RTL1: variants seen among roughly 807,000 people sequenced by gnomAD.
RTL1 encodes retrotransposon Gag like 1, also known as retrotransposon-like protein 1.
For missense variants in RTL1, 1,681 were observed against 1,767.5 expected (o/e 0.95, Z 0.88); for synonymous variants, 727 against 748.4 (o/e 0.97, Z 0.47).
At chr14:100,887,337 C>T (rs992413094) in intron 3 of RTL1, among the ~76,000 whole-genome samples, 3 of 152,200 alleles carry the variant, frequency 2.0e-5, no homozygotes, top group Non-Finnish European at 4.4e-5. Context: ...AAGCTTTATT[C>T]TATCTCTTAA....
chr14:100,889,426 C>T (rs1047237657), intron 3 of RTL1, among the ~76,000 whole-genome samples: 11 of 152,212 alleles, frequency 7.2e-5, no homozygotes, highest in Admixed American at 1.3e-4. Context: ...AAGTTCTTTT[C>T]GCATGAAACT....
rs770846607 is a variant in RTL1, at chr14:100,881,058, C to T, written c.3731G>A (p.Arg1244His). Reference sequence around the variant, plus strand: ...CAGGCCGTCATGCAGGCCACACTGACGGTAACGTTGCAGGTCGTCTTGCAG... The same window carrying T: ...CAGGCCGTCATGCAGGCCACACTGATGGTAACGTTGCAGGTCGTCTTGCAG... ...EALQDDLQRY[R>H]QCGLHDGLQD... Residue 1244 changes from arginine (R) to histidine (H), a missense_variant, in exon 4 of 4, where the codon CGT becomes CAT. Arg to His is a conservative substitution (Grantham distance 29). Transcript: ENST00000649591. This position sits in a 1 kb window ranked among gnomAD's most constrained non-coding sequence, Gnocchi z 6.6. The T allele has an allele frequency of 4.7e-5, 75 of 1,602,998 alleles. No homozygotes were observed. The highest frequency in any genetic ancestry group is 1.1e-4 in the East Asian group (5 of 44,354).
Position 100,882,026 on chromosome 14 carries a change from C to T in RTL1, c.2763G>A (p.Glu921=). The part of the protein sequence containing the change: ...SPIEVEYSQA[E]MKILPIRAAF... ...CAGCCCGTATTGGAAGAATCTTCAT[C>T]TCCGCTTGAGAGTACTCAACCTCGA... The change falls in exon 4 of 4, where the codon GAG becomes GAA. Residue 921 remains glutamate (E), a synonymous_variant. Coordinates refer to ENST00000649591, the MANE Select transcript of RTL1 (RefSeq NM_001134888.3). 3 of 1,613,458 alleles carry T rather than the reference C, an allele frequency of 1.9e-6. No individual in the cohort carries two copies. Among genetic ancestry groups the T allele is most frequent in the East Asian group, 2.2e-5 (1 of 44,876 alleles).
At position 100,884,710 on chromosome 14, in the gene RTL1, C is replaced by T. The variant is rs200541717; in HGVS notation, c.79G>A (p.Glu27Lys). 9.5e-5 allele frequency: 154 copies of T among 1,612,590 alleles called. 1 individual carries two copies. The highest frequency in any genetic ancestry group is 1.7e-4 in the Middle Eastern group (1 of 5,976). Reference sequence around the variant, plus strand: ...GCCTCGGTGGTGTTGGATGAGCCCTCGGAGGACTCCATTTGTTTTGATGAT... The same window carrying T: ...GCCTCGGTGGTGTTGGATGAGCCCTTGGAGGACTCCATTTGTTTTGATGAT... ...NPSSKQMESS[E>K]GSSNTTEATS... is the part of the protein sequence containing the mutation. The change falls in exon 4 of 4, where the codon GAG (glutamate) becomes AAG (lysine). Residue 27 changes from glutamate to lysine, a missense_variant. Glu to Lys is a moderately conservative substitution (Grantham distance 56). Transcript: ENST00000649591.
chr14:100,890,729 T>C (rs1337261027), intron 3 of RTL1, among the ~76,000 whole-genome samples: 1 of 151,992 alleles, frequency 6.6e-6, no homozygotes, highest in Non-Finnish European at 1.5e-5. Flanking sequence ...TAGGTGGTGC[T>C]CAGAGCTCCT....
Position 100,884,402 on chromosome 14 carries a change from C to G in RTL1, c.387G>C (p.Ser129=), listed in dbSNP as rs776645769. The G allele has an allele frequency of 6.2e-7, 1 of 1,603,606 alleles. No homozygotes were observed. The highest frequency in any genetic ancestry group is 8.5e-7 in the Non-Finnish European group (1 of 1,174,488). The change falls in exon 4 of 4, where the codon TCG becomes TCC. Residue 129 remains serine, a synonymous_variant. Coordinates refer to ENST00000649591, the MANE Select transcript of RTL1 (RefSeq NM_001134888.3). The stretch of plus-strand genomic sequence containing the variant: ...GAGCCTCTTGTTCTTCTCGGGCTCC[C>G]GATGGGTTGACTGATGCTTCTTTCA... ...DRMKEASVNP[S]GAREEQEAHT...
At chr14:100,899,645 G>A (rs1474384053) in intron 2 of RTL1, among the ~76,000 whole-genome samples, 1 of 149,538 alleles carries the variant, frequency 6.7e-6, no homozygotes, top group Non-Finnish European at 1.5e-5. Flanking sequence ...CCCAGCTACA[G>A]AACAGACTTG....
rs1302412847 is a variant in RTL1 at position 100,883,704 on chromosome 14, G to A, written c.1085C>T (p.Ala362Val). The change falls in exon 4 of 4, where the codon GCA (alanine) becomes GTA (valine). Residue 362 changes from alanine to valine, a missense_variant. By Grantham distance (64) the Ala-to-Val change is moderately conservative. Transcript: ENST00000649591. The surrounding 1 kb of genome is among the most constrained non-coding windows in gnomAD (Gnocchi z 5.9). ...VLILQIEEKL[A>V]ERRAMLRLPP... Reference sequence around the variant, plus strand: ...CAGCCTGAGCATAGCTCTTCTCTCTGCCAGCTTCTCTTCTATTTGCAGGAT... The same window carrying A: ...CAGCCTGAGCATAGCTCTTCTCTCTACCAGCTTCTCTTCTATTTGCAGGAT... The A allele has an allele frequency of 6.4e-7, 1 of 1,551,494 alleles. No homozygotes were observed. Among genetic ancestry groups the A allele is most frequent in the Non-Finnish European group, 8.7e-7 (1 of 1,147,006 alleles).
intron 2 of RTL1, among the ~76,000 whole-genome samples, chr14:100,901,287 A>C (rs2038937962): frequency 6.6e-6 from 1 of 152,250 alleles, no homozygotes. Context: ...CCCCATATGC[A>C]CACACGCACA....
Position 100,884,802 on chromosome 14 carries a change from A to G in RTL1, c.-14T>C. ...GGGTTCTATCATTTCGTCGGATGGA[A>G]AGGAGTGTATTCTGAAGATTGGTAA... On this transcript the variant is annotated 5_prime_UTR_variant, in exon 4 of 4. Coordinates refer to ENST00000649591, the MANE Select transcript of RTL1 (RefSeq NM_001134888.3). 1 of 1,547,328 alleles carries G rather than the reference A, an allele frequency of 6.5e-7. No individual in the cohort carries two copies. Among genetic ancestry groups the G allele is most frequent in the Non-Finnish European group, 8.7e-7 (1 of 1,146,832 alleles).
Position 100,880,605 on chromosome 14 carries a change from G to A in RTL1, c.*107C>T. The A allele has an allele frequency of 1.3e-6, 2 of 1,498,608 alleles. No homozygotes were observed. The highest frequency in any genetic ancestry group is 4.3e-4 in the Middle Eastern group (2 of 4,598). 92.8% of individuals were successfully genotyped at this position (1,498,608 alleles called of 1,614,324 possible). The stretch of plus-strand genomic sequence containing the variant: ...GTGGGTTCCTCTTGGGTCAGGAGTG[G>A]CAGGAAGGGAAGCGAAGCAGGCTGA... On this transcript the variant is annotated 3_prime_UTR_variant, in exon 4 of 4. Transcript: ENST00000649591.
chr14:100,880,949 T>C lies in RTL1; in HGVS notation c.3840A>G (p.Pro1280=). ...SHTAATHPPR[P]RHLMDPQVLE... ...GGACCTGGGGATCCATCAGGTGGCG[T>C]GGGCGGGGTGGGTGGGTGGCTGCTG... The change falls in exon 4 of 4, where the codon CCA becomes CCG. Residue 1280 remains proline (P), a synonymous_variant. Transcript: ENST00000649591. The C allele has an allele frequency of 1.6e-5, 1 of 63,928 alleles. No homozygotes were observed. The highest frequency in any genetic ancestry group is 3.2e-5 in the Non-Finnish European group (1 of 31,014). 4.0% of individuals were successfully genotyped at this position (63,928 alleles called of 1,614,324 possible).
In RTL1 at chr14:100,881,680, C is replaced by T; in HGVS notation, c.3109G>A (p.Glu1037Lys). ...STESGEEENE[E>K]QDELNEQILR... ...ATCTGTTCATTGAGCTCATCCTGTT[C>T]TTCATTCTCTTCTTCCCCGGATTCC... The change falls in exon 4 of 4, where the codon GAA becomes AAA. Residue 1037 changes from glutamate to lysine, a missense_variant. Transcript: ENST00000649591. This position sits in a 1 kb window ranked among gnomAD's most constrained non-coding sequence, Gnocchi z 6.6. The T allele has an allele frequency of 1.3e-6, 2 of 1,556,062 alleles. No homozygotes were observed. The highest frequency in any genetic ancestry group is 1.7e-6 in the Non-Finnish European group (2 of 1,149,216).
rs781035556 is a variant in RTL1, at chr14:100,884,642, G to A, written c.147C>T (p.Ser49=). 9.9e-6 allele frequency: 16 copies of A among 1,613,162 alleles called. No homozygotes were observed. The highest frequency in any genetic ancestry group is 2.2e-5 in the East Asian group (1 of 44,880). ...GCTCCTTCTTTTCCTGGGCTGGGCC[G>A]CTGGCTGGCCCTGCCTCTCCCCGCA... ...SGVRGEAGPA[S]GPAQEKKEPP... The change falls in exon 4 of 4, where the codon AGC becomes AGT. Residue 49 remains serine, a synonymous_variant. Transcript: ENST00000649591.
At position 100,886,184 on chromosome 14, in the gene RTL1, A is replaced by C. The variant is rs900431485; in HGVS notation, c.-86-1310T>G. Among the ~76,000 whole-genome samples, 7 of 150,188 alleles carry C rather than the reference A, an allele frequency of 4.7e-5. No individual in the cohort carries two copies. In the East Asian group the frequency reaches 1.4e-3, roughly 30 times the overall value. Reference sequence around the variant, plus strand: ...AATTTAACACCTTTTGTTACTTCTGAGTTTTCTTCTAAGCCACTGGACCCA... The same window carrying C: ...AATTTAACACCTTTTGTTACTTCTGCGTTTTCTTCTAAGCCACTGGACCCA... On this transcript the variant is annotated intron_variant, in intron 3 of 3. Coordinates refer to ENST00000649591, the MANE Select transcript of RTL1 (RefSeq NM_001134888.3).
intron 2 of RTL1, among the ~76,000 whole-genome samples, chr14:100,900,621 C>CA (rs756950050): frequency 3.3e-5 from 5 of 152,114 alleles, no homozygotes; most frequent in Non-Finnish European, 7.3e-5. Flanking sequence ...CCTCCGTGTC[C>CA]GGCAGGGGCT....
rs1443804363 is a variant in RTL1, at chr14:100,882,505, A to G, written c.2284T>C (p.Tyr762His). Reference sequence around the variant, plus strand: ...AACTGGCTCTTGTCCAGGGAGCAGTAGACGTTGTGATGGCGGAAGCGGACC... The same window carrying G: ...AACTGGCTCTTGTCCAGGGAGCAGTGGACGTTGTGATGGCGGAAGCGGACC... The part of the protein sequence containing the change: ...VLVRFRHHNV[Y>H]CSLDKSQFHR... The change falls in exon 4 of 4, where the codon TAC (tyrosine) becomes CAC (histidine). Residue 762 changes from tyrosine (Y) to histidine (H), a missense_variant. Coordinates refer to ENST00000649591, the MANE Select transcript of RTL1 (RefSeq NM_001134888.3). 1 of 1,551,974 alleles carries G rather than the reference A, an allele frequency of 6.4e-7. No homozygotes were observed. The highest frequency in any genetic ancestry group is 2.0e-5 in the Admixed American group (1 of 51,008).
chr14:100,901,385 C>A (rs1017099165), intron 2 of RTL1, among the ~76,000 whole-genome samples: 5 of 152,212 alleles, frequency 3.3e-5, no homozygotes, highest in Non-Finnish European at 5.9e-5. Flanking sequence ...CAGAACAGAG[C>A]CTTGTCTAGC....
intron 3 of RTL1, among the ~76,000 whole-genome samples, chr14:100,887,482 G>T (rs1190992676): frequency 6.6e-6 from 1 of 152,104 alleles, no homozygotes; most frequent in African/African-American, 2.4e-5. Context: ...AGCCAGGCAC[G>T]GTGACTCACA....
Sources: allele counts gnomAD v4.1 joint callset (sites outside exome capture counted in the v4.1 genomes callset), GRCh38; gene constraint gnomAD v4.1.1; non-coding constraint Gnocchi (gnomAD v3.1); transcripts MANE v1.5; gene names NCBI Gene and HGNC (gene_info 2026-07-23, HGNC 2026-07-21).